ZKSCAN8: variants seen among roughly 807,000 people sequenced by gnomAD.
The protein encoded by ZKSCAN8 is zinc finger with KRAB and SCAN domains 8, also known as zinc finger protein with KRAB and SCAN domains 8.
Under a neutral mutation model 57.2 loss-of-function variants are expected in ZKSCAN8, and 27 were observed. The ratio of observed to expected loss-of-function variants is 0.47; its 90% CI spans 0.35 to 0.65. ZKSCAN8 has a LOEUF of 0.65. Ranked by LOEUF, ZKSCAN8 falls within the 30% of genes least tolerant of loss-of-function variation. ZKSCAN8 has a pLI of 0.01. For missense variants in ZKSCAN8, 597 were observed against 696.3 expected, an observed-to-expected ratio of 0.86 and a Z score of 1.60; for synonymous variants, 214 against 248.7, an observed-to-expected ratio of 0.86 and a Z score of 1.31.
At chr6:28,146,312 G>T (rs1765392521) in intron 1 of ZKSCAN8, among the ~76,000 whole-genome samples, 1 of 152,162 alleles carries the variant, frequency 6.6e-6, no homozygotes, top group African/African-American at 2.4e-5. Context: ...ATACAGTTAT[G>T]GGAAAAGTAA....
rs560702366 is a variant in ZKSCAN8 at position 28,154,264 on chromosome 6, T to C, written c.*247T>C. The C allele has an allele frequency of 3.2e-5, 14 of 432,394 alleles. No individual in the cohort carries two copies. The highest frequency in any genetic ancestry group is 2.8e-4 in the African/African-American group (14 of 49,264). 26.8% of individuals were successfully genotyped at this position (432,394 alleles called of 1,614,324 possible). A position where few individuals can be genotyped will look rare whatever the true frequency, so the allele number is the denominator to read the frequency against. ...ATGACCTAATGTATCCTTTAGAAAT[T>C]TAAAATAGCATTAGAGCAAGTTGCT... On this transcript the variant is annotated 3_prime_UTR_variant, in exon 6 of 6. Transcript: ENST00000330236.
chr6:28,142,494 A>C (rs79718538), intron 1 of ZKSCAN8, among the ~76,000 whole-genome samples: 3,352 of 151,508 alleles, frequency 0.022, 53 homozygotes, highest in South Asian at 0.045. Flanking sequence ...TGTATTCAGA[A>C]ACTGGTGGTG....
rs1581521930 is a variant in ZKSCAN8 at position 28,148,375 on chromosome 6, T to C, written c.-33T>C. The stretch of plus-strand genomic sequence containing the variant: ...TCTCTTAAGAAGATAAAGAAGGTAG[T>C]GGAAACGAACTTCCTGAGCTTTTCA... On this transcript the variant is annotated 5_prime_UTR_variant, in exon 2 of 6. Transcript: ENST00000330236. 2.5e-6 allele frequency: 4 copies of C among 1,585,434 alleles called. No individual in the cohort carries two copies. The highest frequency in any genetic ancestry group is 2.3e-5 in the South Asian group (2 of 87,768).
rs751267874 is a variant in ZKSCAN8 at position 28,153,260 on chromosome 6, G to A, written c.980G>A (p.Cys327Tyr). Reference sequence around the variant, plus strand: ...GAGAGACGACATAAATGTGATGAATGTGGGAAAAGCTTTGCTCAGAGCTCA... The same window carrying A: ...GAGAGACGACATAAATGTGATGAATATGGGAAAAGCTTTGCTCAGAGCTCA... ...TQERRHKCDECGKSFAQSSGL... is the reference protein window; with the variant it reads ...TQERRHKCDEYGKSFAQSSGL... The change falls in exon 6 of 6, where the codon TGT becomes TAT. Residue 327 changes from cysteine to tyrosine, a missense_variant. Transcript: ENST00000330236. 3.1e-6 allele frequency: 5 copies of A among 1,614,128 alleles called. No homozygotes were observed. The highest frequency in any genetic ancestry group is 4.2e-6 in the Non-Finnish European group (5 of 1,180,046).
In ZKSCAN8 at chr6:28,141,937, A is replaced by G. The variant is rs1282441754; in HGVS notation, c.-185A>G. On this transcript the variant is annotated 5_prime_UTR_variant, in exon 1 of 6. Coordinates refer to ENST00000330236, the MANE Select transcript of ZKSCAN8 (RefSeq NM_006298.4). ...GGCCGGAGGGGCCTGGTCCGAGTAC[A>G]GCTTTCATCGCCTTTACTCCCCGAC... 2 of 152,438 alleles carry G rather than the reference A, an allele frequency of 1.3e-5. No individual in the cohort carries two copies. The highest frequency in any genetic ancestry group is 4.8e-5 in the African/African-American group (2 of 41,462). 9.4% of individuals were successfully genotyped at this position (152,438 alleles called of 1,614,324 possible). A position where few individuals can be genotyped will look rare whatever the true frequency, so the allele number is the denominator to read the frequency against.
chr6:28,153,718 C>G lies in ZKSCAN8; in HGVS notation c.1438C>G (p.His480Asp), dbSNP rs779486902. ...TFRRSSHLIG[H>D]QRSHTGEKPY... Reference sequence around the variant, plus strand: ...CAGGCGGAGCTCACATCTTATTGGTCATCAGAGGAGCCACACTGGGGAGAA... The same window carrying G: ...CAGGCGGAGCTCACATCTTATTGGTGATCAGAGGAGCCACACTGGGGAGAA... Residue 480 changes from histidine (H) to aspartate (D), a missense_variant, in exon 6 of 6, where the codon CAT becomes GAT. His to Asp is a moderately conservative substitution (Grantham distance 81). Coordinates refer to ENST00000330236, the MANE Select transcript of ZKSCAN8 (RefSeq NM_006298.4). 4.3e-6 allele frequency: 7 copies of G among 1,613,954 alleles called. No individual in the cohort carries two copies. The South Asian group carries it at 7.7e-5, about 18-fold the overall frequency.
In ZKSCAN8 at chr6:28,153,370, G is replaced by A. The variant is rs1412138471; in HGVS notation, c.1090G>A (p.Ala364Thr). The A allele has an allele frequency of 6.2e-7, 1 of 1,613,910 alleles. No individual in the cohort carries two copies. The highest frequency in any genetic ancestry group is 8.5e-7 in the Non-Finnish European group (1 of 1,179,976). The part of the protein sequence containing the change: ...VCGKAFSYRS[A>T]LLSHQDIHNK... ...TGGTAAAGCCTTCAGTTACAGGTCA[G>A]CCCTTCTTTCACATCAGGATATCCA... Residue 364 changes from alanine to threonine, a missense_variant, in exon 6 of 6, where the codon GCC becomes ACC. Transcript: ENST00000330236.
At chr6:28,151,498 T>G (rs1340835157) in intron 3 of ZKSCAN8, among the ~76,000 whole-genome samples, 2 of 152,224 alleles carry the variant, frequency 1.3e-5, no homozygotes, top group Non-Finnish European at 2.9e-5. Context: ...ATTCTGATAC[T>G]TGGTTTGCCA....
At chr6:28,151,776 TG>T in intron 3 of ZKSCAN8, 68 bp from the exon 4 acceptor site, 1 of 1,241,406 alleles carries the variant, frequency 8.1e-7, no homozygotes, top group Non-Finnish European at 1.2e-6. Context: ...TAATTTGGAA[TG>T]GGTGAGTGCC....
rs1020015337 is a variant in ZKSCAN8, at chr6:28,156,950, A to G, written c.*2933A>G. The G allele has an allele frequency of 3.9e-5, 6 of 152,228 alleles. No individual in the cohort carries two copies. The highest frequency in any genetic ancestry group is 3.3e-4 in the Admixed American group (5 of 15,284). 9.4% of individuals were successfully genotyped at this position (152,228 alleles called of 1,614,324 possible). ...CTTGGTTCTGAGTCTCCAAATAATA[A>G]TAGCCGACGTTTATTGAGCACTTAC... On this transcript the variant is annotated 3_prime_UTR_variant, in exon 6 of 6. Coordinates refer to ENST00000330236, the MANE Select transcript of ZKSCAN8 (RefSeq NM_006298.4).
chr6:28,155,719 C>G lies in ZKSCAN8; in HGVS notation c.*1702C>G, dbSNP rs1233181551. ...TTTATGATTGATGGGCCAAAAAAAG[C>G]AATCAAAGTCTTACGTCATAGAGGA... On this transcript the variant is annotated 3_prime_UTR_variant, in exon 6 of 6. Coordinates refer to ENST00000330236, the MANE Select transcript of ZKSCAN8 (RefSeq NM_006298.4). 1.9e-5 allele frequency: 3 copies of G among 156,814 alleles called. No homozygotes were observed. The highest frequency in any genetic ancestry group is 4.8e-5 in the African/African-American group (2 of 41,620). The allele number at this position is 156,814 out of a possible 1,614,324, so 9.7% of individuals were successfully genotyped here.
In ZKSCAN8 at chr6:28,157,078, A is replaced by G. The variant is rs1765807285; in HGVS notation, c.*3061A>G. ...ATACCTGACACTGGGTAATTTATAA[A>G]GGAAAGAGGTTTAATGGACTCAGTT... On this transcript the variant is annotated 3_prime_UTR_variant, in exon 6 of 6. Coordinates refer to ENST00000330236, the MANE Select transcript of ZKSCAN8 (RefSeq NM_006298.4). The G allele has an allele frequency of 6.6e-6, 1 of 152,390 alleles. No individual in the cohort carries two copies. Among genetic ancestry groups the G allele is most frequent in the Non-Finnish European group, 1.5e-5 (1 of 68,180 alleles). 9.4% of individuals were successfully genotyped at this position (152,390 alleles called of 1,614,324 possible).
chr6:28,153,491 A>C lies in ZKSCAN8; in HGVS notation c.1211A>C (p.Lys404Thr), dbSNP rs760370717. The change falls in exon 6 of 6, where the codon AAG (lysine) becomes ACG (threonine). Residue 404 changes from lysine (K) to threonine (T), a missense_variant. By Grantham distance (78) the Lys-to-Thr change is moderately conservative. Coordinates refer to ENST00000330236, the MANE Select transcript of ZKSCAN8 (RefSeq NM_006298.4). ...ILHQRIHTGE[K>T]PYQCNQCGKA... is the part of the protein sequence containing the mutation. ...CACCAGAGAATCCACACTGGGGAGA[A>C]GCCATATCAGTGCAATCAGTGTGGG... is the stretch of plus-strand genomic sequence containing the variant. 6.2e-7 allele frequency: 1 copy of C among 1,612,334 alleles called. No homozygotes were observed.
In ZKSCAN8 at chr6:28,148,505, G is replaced by C; in HGVS notation, c.98G>C (p.Trp33Ser). The change falls in exon 2 of 6, where the codon TGG becomes TCG. Residue 33 changes from tryptophan (W) to serine (S), a missense_variant. Coordinates refer to ENST00000330236, the MANE Select transcript of ZKSCAN8 (RefSeq NM_006298.4). ...GTCAAGGTAGAGGAGGATCATGGTT[G>C]GGACCAGGAATCTAGTCTGCATGAA... The part of the protein sequence containing the change: ...VIVKVEEDHG[W>S]DQESSLHESN... 1 of 1,614,154 alleles carries C rather than the reference G, an allele frequency of 6.2e-7. No homozygotes were observed. Among genetic ancestry groups the C allele is most frequent in the Non-Finnish European group, 8.5e-7 (1 of 1,180,026 alleles).
chr6:28,153,516 G>T lies in ZKSCAN8; in HGVS notation c.1236G>T (p.Gly412=). 1 of 1,612,396 alleles carries T rather than the reference G, an allele frequency of 6.2e-7. No individual in the cohort carries two copies. Among genetic ancestry groups the T allele is most frequent in the Non-Finnish European group, 8.5e-7 (1 of 1,178,506 alleles). Residue 412 remains glycine (G), a synonymous_variant, in exon 6 of 6, where the codon GGG becomes GGT. Transcript: ENST00000330236. ...AGCCATATCAGTGCAATCAGTGTGG[G>T]AAGGCTTTCAGTCAGAGTGCGGGCC... The part of the protein sequence containing the change: ...GEKPYQCNQC[G]KAFSQSAGLI...
At chr6:28,145,987 G>T (rs1765380768) in intron 1 of ZKSCAN8, among the ~76,000 whole-genome samples, 1 of 152,118 alleles carries the variant, frequency 6.6e-6, no homozygotes, top group African/African-American at 2.4e-5. Flanking sequence ...GCAATATTGT[G>T]GAACATGAAT....
intron 1 of ZKSCAN8, among the ~76,000 whole-genome samples, chr6:28,146,121 G>A (rs59249466): frequency 0.025 from 3,798 of 152,100 alleles, 162 homozygotes; most frequent in East Asian, 0.18. Context: ...AACTTTTTTC[G>A]GACATCAGGT....
chr6:28,142,679 C>T (rs1765258560), intron 1 of ZKSCAN8, among the ~76,000 whole-genome samples: 1 of 152,178 alleles, frequency 6.6e-6, no homozygotes, highest in Admixed American at 6.5e-5. Context: ...TAATTTTTGT[C>T]AGGCTACTTT....
chr6:28,152,344 A>C lies in ZKSCAN8; in HGVS notation c.735A>C (p.Arg245Ser), dbSNP rs912885577. 1 of 1,612,870 alleles carries C rather than the reference A, an allele frequency of 6.2e-7. No individual in the cohort carries two copies. Among genetic ancestry groups the C allele is most frequent in the Non-Finnish European group, 8.5e-7 (1 of 1,179,712 alleles). Residue 245 changes from arginine (R) to serine (S), a missense_variant, in exon 5 of 6, where the codon AGA becomes AGC. Coordinates refer to ENST00000330236, the MANE Select transcript of ZKSCAN8 (RefSeq NM_006298.4). ...LLDPSQKDLC[R>S]DNRPENFRNM... ...ATCCATCACAGAAGGATCTGTGTAG[A>C]GATAACAGGCCAGAAAATTTCAGAA... is the stretch of plus-strand genomic sequence containing the variant.
Sources: gnomAD v4.1 joint callset for allele counts (sites outside exome capture counted in the v4.1 genomes callset) on GRCh38, gnomAD v4.1.1 for gene constraint, MANE v1.5 for transcripts, NCBI Gene and HGNC (gene_info 2026-07-23, HGNC 2026-07-21) for gene names.